PTBP1: variants seen among roughly 807,000 people sequenced by gnomAD.
PTBP1 encodes polypyrimidine tract binding protein 1, also known as polypyrimidine tract-binding protein 1.
In PTBP1, 8 loss-of-function variants were observed where a neutral mutation model predicts 59.8. That is an observed-to-expected ratio of 0.13 (90% confidence interval 0.08 to 0.24). PTBP1 has a LOEUF of 0.24. Ranked by LOEUF, PTBP1 falls within the 10% of genes least tolerant of loss-of-function variation. PTBP1 has a pLI of 1.00. For missense variants in PTBP1, 686 were observed against 767.0 expected, an observed-to-expected ratio of 0.89 and a Z score of 1.25; for synonymous variants, 490 against 320.7, an observed-to-expected ratio of 1.53 and a Z score of -5.64.
chr19:800,637 C>T (rs1181840382), intron 2 of PTBP1, among the ~76,000 whole-genome samples: 1 of 152,202 alleles, frequency 6.6e-6, no homozygotes, highest in Non-Finnish European at 1.5e-5. Flanking sequence ...TCGGTTTTTC[C>T]CAAGTGGACT....
intron 2 of PTBP1, among the ~76,000 whole-genome samples, chr19:801,627 G>A (rs771785481): frequency 3.5e-4 from 54 of 152,234 alleles, no homozygotes; most frequent in Non-Finnish European, 7.5e-4. Flanking sequence ...TGTCCTGGAC[G>A]GGGTCGGCTC....
At chr19:805,279 C>A in intron 8 of PTBP1, 92 bp downstream of exon 8, 1 of 1,431,102 alleles carries the variant, frequency 7.0e-7, no homozygotes, top group Non-Finnish European at 9.6e-7. Flanking sequence ...CGGCCCTGCA[C>A]CAGGGTGATG....
At chr19:805,395 G>A (rs1472995803) in intron 8 of PTBP1, 97 bp from the exon 9 acceptor site, 2 of 1,325,986 alleles carry the variant, frequency 1.5e-6, no homozygotes, top group Non-Finnish European at 2.1e-6. Flanking sequence ...GCTCTGCCGG[G>A]GCCGCCCGCC....
intron 2 of PTBP1, among the ~76,000 whole-genome samples, chr19:802,535 C>T (rs966871590): frequency 1.3e-5 from 2 of 152,194 alleles, no homozygotes; most frequent in Non-Finnish European, 2.9e-5. Flanking sequence ...GGGGCAGGCT[C>T]TTGGCCTCAA....
At chr19:807,686 CT>C (rs2034647496) in intron 10 of PTBP1, 182 bp from the exon 11 acceptor site, 2 of 555,340 alleles carry the variant, frequency 3.6e-6, no homozygotes, top group African/African-American at 3.9e-5. Flanking sequence ...AAAATTCCCC[CT>C]CAAACCCTGC....
chr19:799,468 C>G, intron 2 of PTBP1, 25 bp downstream of exon 2: 1 of 1,612,492 alleles, frequency 6.2e-7, no homozygotes, highest in Non-Finnish European at 8.5e-7. Flanking sequence ...CTTTGCTTCT[C>G]CGTGACGCTC....
intron 9 of PTBP1, chr19:805,915 C>T (rs1382010111): frequency 8.8e-6 from 3 of 341,616 alleles, no homozygotes; most frequent in Non-Finnish European, 1.6e-5. Context: ...AAGCGCGCGG[C>T]CCGAGGCTGA....
chr19:802,819 T>C (rs944506495), intron 2 of PTBP1, among the ~76,000 whole-genome samples: 3 of 152,236 alleles, frequency 2.0e-5, no homozygotes, highest in Admixed American at 1.3e-4. Flanking sequence ...AGTGCAATTC[T>C]TAGAAGTTGA....
chr19:804,788 G>T, intron 6 of PTBP1, 41 bp from the exon 7 acceptor site: 1 of 1,608,518 alleles, frequency 6.2e-7, no homozygotes, highest in East Asian at 2.2e-5. Flanking sequence ...AGGGCTGGTG[G>T]GCACCGGGCA....
rs1599248082 is a variant in PTBP1, at chr19:810,754, C to T, written c.1602C>T (p.Leu534=). The T allele has an allele frequency of 6.2e-7, 1 of 1,607,454 alleles. No homozygotes were observed. The highest frequency in any genetic ancestry group is 8.5e-7 in the Non-Finnish European group (1 of 1,178,048). The change falls in exon 15 of 15, where the codon CTC becomes CTT. Residue 534 remains leucine, a synonymous_variant. Coordinates refer to ENST00000356948, the MANE Select transcript of PTBP1 (RefSeq NM_002819.5). ...MGSVEEAVQA[L]IDLHNHDLGE... ...CCGTGGAGGAGGCGGTCCAGGCCCT[C>T]ATTGACCTGCACAACCACGACCTCG...
Position 810,919 on chromosome 19 carries a change from A to G in PTBP1, c.*93A>G. The G allele has an allele frequency of 8.2e-7, 1 of 1,221,888 alleles. No homozygotes were observed. The allele number at this position is 1,221,888 out of a possible 1,614,324, so 75.7% of individuals were successfully genotyped here. A position where few individuals can be genotyped will look rare whatever the true frequency, so the allele number is the denominator to read the frequency against. On this transcript the variant is annotated 3_prime_UTR_variant, in exon 15 of 15. Transcript: ENST00000356948. The stretch of plus-strand genomic sequence containing the variant: ...AAAACAGCTGAAGTGACCTTAGCAG[A>G]CCAGAGATTTTATTTTTTTAAAGAG...
rs766369999 is a variant in PTBP1, at chr19:808,728, C to T, written c.1429C>T (p.Pro477Ser). Reference sequence around the variant, plus strand: ...CTCCAAGAACTTCCAGAACATATTCCCGCCCTCGGCCACGCTGCACCTCTC... The same window carrying T: ...CTCCAAGAACTTCCAGAACATATTCTCGCCCTCGGCCACGCTGCACCTCTC... ...PGSKNFQNIF[P>S]PSATLHLSNI... The change falls in exon 13 of 15, where the codon CCG (proline) becomes TCG (serine). Residue 477 changes from proline (P) to serine (S), a missense_variant. Coordinates refer to ENST00000356948, the MANE Select transcript of PTBP1 (RefSeq NM_002819.5). The surrounding 1 kb of genome is among the most constrained non-coding windows in gnomAD (Gnocchi z 4.7). 5 of 1,612,946 alleles carry T rather than the reference C, an allele frequency of 3.1e-6. No individual in the cohort carries two copies. The South Asian group carries it at 5.5e-5, about 18-fold the overall frequency.
At chr19:802,299 C>G (rs1228394945) in intron 2 of PTBP1, among the ~76,000 whole-genome samples, 2 of 152,178 alleles carry the variant, frequency 1.3e-5, no homozygotes, top group African/African-American at 4.8e-5. Context: ...GAGCCAGGGC[C>G]AGGGCAGGAG....
chr19:802,014 C>T (rs895239180), intron 2 of PTBP1, among the ~76,000 whole-genome samples: 5 of 152,308 alleles, frequency 3.3e-5, no homozygotes, highest in South Asian at 4.1e-4. Flanking sequence ...TGAACAGGTG[C>T]CATTTGGGTG....
At chr19:799,632 G>A (rs1334486287) in intron 2 of PTBP1, among the ~76,000 whole-genome samples, 189 bp downstream of exon 2, 1 of 152,218 alleles carries the variant, frequency 6.6e-6, no homozygotes, top group African/African-American at 2.4e-5. Context: ...GTGAGTTTTG[G>A]GGGCTTGGGT....
At chr19:797,640 C>A in intron 1 of PTBP1, 135 bp downstream of exon 1, 1 of 478,824 alleles carries the variant, frequency 2.1e-6, no homozygotes, top group Non-Finnish European at 3.1e-6. Context: ...CCCTTCCTCT[C>A]CGCGTGGCGG....
intron 9 of PTBP1, 146 bp downstream of exon 9, chr19:805,715 T>C (rs1474219950): frequency 1.7e-5 from 12 of 721,512 alleles, no homozygotes; most frequent in Non-Finnish European, 2.9e-5. Flanking sequence ...GGACGCCACG[T>C]CCACAGAGCA....
intron 2 of PTBP1, 93 bp downstream of exon 2, chr19:799,536 G>A (rs951926125): frequency 6.0e-6 from 8 of 1,337,280 alleles, no homozygotes; most frequent in African/African-American, 5.8e-5. Context: ...TTGGCTAGAG[G>A]GCGCTTTTCC....
chr19:803,707 C>T (rs1413587186), intron 3 of PTBP1, 71 bp downstream of exon 3: 4 of 1,374,604 alleles, frequency 2.9e-6, no homozygotes, highest in Non-Finnish European at 4.1e-6. Context: ...CGTTCTTGTT[C>T]TGGGACTCTA....
Sources: gnomAD v4.1 joint callset for allele counts (sites outside exome capture counted in the v4.1 genomes callset) on GRCh38, gnomAD v4.1.1 for gene constraint, Gnocchi (gnomAD v3.1) non-coding constraint, MANE v1.5 for transcripts, NCBI Gene and HGNC (gene_info 2026-07-23, HGNC 2026-07-21) for gene names.